The following PLA2R1 variants were observed in gnomAD, a reference collection of about 807,000 sequenced individuals.
PLA2R1 encodes the protein secretory phospholipase A2 receptor.
A neutral mutation model predicts 195.9 loss-of-function variants in PLA2R1; 158 were observed. The observed-to-expected ratio is 0.81, with a 90% CI of 0.71 to 0.92. The LOEUF is 0.92. PLA2R1 is among the 40% of genes least tolerant of loss of function. PLA2R1 has a pLI of 0.00. For missense variants in PLA2R1, 1,626 were observed against 1,764.6 expected (o/e 0.92, Z 1.41); for synonymous variants, 586 against 598.2 (o/e 0.98, Z 0.30).
downstream of PLA2R1, among the ~76,000 whole-genome samples, chr2:159,931,138 C>T (rs1686575922): frequency 6.6e-6 from 1 of 152,160 alleles, no homozygotes; most frequent in South Asian, 2.1e-4. Context: ...GCTGCTCCAC[C>T]CATGGGTTCC....
chr2:160,001,190 A>G (rs1691569037), intron 11 of PLA2R1, among the ~76,000 whole-genome samples: 1 of 152,196 alleles, frequency 6.6e-6, no homozygotes, highest in Admixed American at 6.5e-5. Context: ...GAATTTTCAA[A>G]ACTAGACAGC....
At chr2:160,009,123 T>C (rs2667010) in intron 10 of PLA2R1, among the ~76,000 whole-genome samples, 115,122 of 152,202 alleles carry the variant, frequency 0.76, 43,875 homozygotes, top group East Asian at 0.88. Flanking sequence ...GAAAATGGTG[T>C]AGCCATTATG....
intron 1 of PLA2R1, among the ~76,000 whole-genome samples, chr2:160,058,149 C>G (rs536144077): frequency 6.6e-6 from 1 of 152,246 alleles, no homozygotes; most frequent in South Asian, 2.1e-4. Flanking sequence ...GAAAACATGT[C>G]TCAGGAATTG....
intron 1 of PLA2R1, among the ~76,000 whole-genome samples, chr2:160,047,659 T>C (rs1461299847): frequency 1.3e-5 from 2 of 152,248 alleles, no homozygotes; most frequent in Admixed American, 6.5e-5. Context: ...AGCCTTCATC[T>C]GTTGATTTTC....
chr2:160,025,809 A>C (rs1005138158), intron 6 of PLA2R1, among the ~76,000 whole-genome samples: 1 of 152,200 alleles, frequency 6.6e-6, no homozygotes, highest in African/African-American at 2.4e-5. Flanking sequence ...ATGCAAATGG[A>C]TTAAATTATC....
In PLA2R1 at chr2:160,022,723, T is replaced by C; in HGVS notation, c.1236A>G (p.Ala412=). The change falls in exon 7 of 30, where the codon GCA becomes GCG. Residue 412 remains alanine (A), a synonymous_variant. Transcript: ENST00000283243. ...ALRSCQADNS[A]LIDITSLAEV... ...CTGCTAATGAGGTTATGTCTATTAA[T>C]GCACTGTTATCAGCCTGACAAGAAC... 1.2e-6 allele frequency: 2 copies of C among 1,613,758 alleles called. No individual in the cohort carries two copies. Among genetic ancestry groups the C allele is most frequent in the Non-Finnish European group, 1.7e-6 (2 of 1,179,724 alleles).
rs920503660 is a variant in PLA2R1 at position 160,001,599 on chromosome 2, G to A, written c.1834+4053C>T. On this transcript the variant is annotated intron_variant, in intron 11 of 29. Coordinates refer to ENST00000283243, the MANE Select transcript of PLA2R1 (RefSeq NM_007366.5). Reference sequence around the variant, plus strand: ...CTCTAAGAACACAAAAACATTCAAAGTTAGAAAAAAATTTAAAAAATGTAC... The same window carrying A: ...CTCTAAGAACACAAAAACATTCAAAATTAGAAAAAAATTTAAAAAATGTAC... 5.3e-5 allele frequency among the ~76,000 whole-genome samples: 8 copies of A among 151,796 alleles called. No homozygotes were observed. The South Asian group carries it at 6.2e-4, about 12-fold the overall frequency.
At chr2:160,054,236 G>A (rs779426412) in intron 1 of PLA2R1, among the ~76,000 whole-genome samples, 7 of 152,094 alleles carry the variant, frequency 4.6e-5, no homozygotes, top group Non-Finnish European at 1.0e-4. Flanking sequence ...AGGAGTTTGA[G>A]ACCAGCCTGA....
chr2:160,003,420 A>C (rs1400745156), intron 11 of PLA2R1, among the ~76,000 whole-genome samples: 1 of 152,126 alleles, frequency 6.6e-6, no homozygotes, highest in African/African-American at 2.4e-5. Context: ...TATATTTAGA[A>C]TATAATGAAA....
chr2:160,035,830 T>G (rs928975548), intron 3 of PLA2R1, among the ~76,000 whole-genome samples: 1 of 152,206 alleles, frequency 6.6e-6, no homozygotes, highest in Non-Finnish European at 1.5e-5. Context: ...TAGCCATTAA[T>G]GTATACCTTG....
chr2:159,975,228 G>C (rs1309172470), intron 17 of PLA2R1, among the ~76,000 whole-genome samples: 1 of 152,066 alleles, frequency 6.6e-6, no homozygotes, highest in Non-Finnish European at 1.5e-5. Context: ...TATACAACAT[G>C]ATGTTTTAAA....
chr2:160,013,150 T>C, intron 10 of PLA2R1, 113 bp downstream of exon 10: 1 of 479,552 alleles, frequency 2.1e-6, no homozygotes, highest in Non-Finnish European at 3.8e-6. Flanking sequence ...TTTAGTACTT[T>C]GATGTATAGC....
intron 11 of PLA2R1, among the ~76,000 whole-genome samples, chr2:159,987,678 T>A (rs182811232): frequency 6.6e-6 from 1 of 152,316 alleles, no homozygotes; most frequent in African/African-American, 2.4e-5. Context: ...CATATTTCAA[T>A]ATTGTACTTC....
chr2:159,990,488 C>T (rs537006952), intron 11 of PLA2R1, among the ~76,000 whole-genome samples: 1 of 152,204 alleles, frequency 6.6e-6, no homozygotes, highest in East Asian at 1.9e-4. Flanking sequence ...ACTTTTTGTG[C>T]TGGCTTTTCA....
chr2:160,045,178 G>A (rs776473987), intron 1 of PLA2R1, 21 bp from the exon 2 acceptor site: 17 of 1,568,592 alleles, frequency 1.1e-5, no homozygotes, highest in Non-Finnish European at 1.5e-5. Flanking sequence ...AATCAAAGAT[G>A]TGGCATGAAA....
intron 3 of PLA2R1, among the ~76,000 whole-genome samples, chr2:160,037,823 A>C (rs1694256787): frequency 6.6e-6 from 1 of 152,062 alleles, no homozygotes; most frequent in Non-Finnish European, 1.5e-5. Flanking sequence ...CCCAATTTTA[A>C]CTTCGGTTTC....
chr2:159,977,420 C>A lies in PLA2R1; in HGVS notation c.2269-4G>T, dbSNP rs964844678. On this transcript the variant is annotated splice_region_variant and splice_polypyrimidine_tract_variant and intron_variant, in intron 14 of 29. Coordinates refer to ENST00000283243, the MANE Select transcript of PLA2R1 (RefSeq NM_007366.5). ...TGTCTAAAAACGAAGAGACAACCTG[C>A]AGCAGATGAAGTTCATTATTCCTTA... The A allele has an allele frequency of 1.2e-6, 2 of 1,612,532 alleles. No individual in the cohort carries two copies. Among genetic ancestry groups the A allele is most frequent in the East Asian group, 4.5e-5 (2 of 44,790 alleles).
intron 6 of PLA2R1, among the ~76,000 whole-genome samples, chr2:160,026,044 G>A (rs1197929530): frequency 6.6e-6 from 1 of 152,216 alleles, no homozygotes; most frequent in Non-Finnish European, 1.5e-5. Flanking sequence ...GGGTAACTAA[G>A]TGAGATGATG....
At chr2:159,969,894 G>T (rs138162251) in intron 18 of PLA2R1, among the ~76,000 whole-genome samples, 137 of 152,220 alleles carry the variant, frequency 9.0e-4, no homozygotes, top group African/African-American at 3.2e-3. Context: ...GAATGAATTA[G>T]TGAATAAATA....
Sources: gnomAD v4.1 joint callset for allele counts (sites outside exome capture counted in the v4.1 genomes callset) on GRCh38, gnomAD v4.1.1 for gene constraint, MANE v1.5 for transcripts, NCBI Gene and HGNC (gene_info 2026-07-23, HGNC 2026-07-21) for gene names.